GALNS: variants seen among roughly 807,000 people sequenced by gnomAD.
GALNS encodes the protein galactosamine (N-acetyl)-6-sulfatase.
GALNS carries 65 observed loss-of-function variants against 65.9 expected under a neutral mutation model. The observed-to-expected ratio is 0.99, with a 90% CI of 0.81 to 1.21. The LOEUF (loss-of-function observed/expected upper bound fraction) is 1.21. Among genes scored for constraint, GALNS ranks in the 50% most tolerant of loss-of-function variants. The pLI, the probability that GALNS is intolerant of heterozygous loss-of-function variation, is 0.00. For synonymous variants in GALNS, 346 were observed against 288.9 expected (o/e 1.20, Z -2.00); for missense variants, 776 against 700.7 (o/e 1.11, Z -1.21).
At position 88,836,179 on chromosome 16, in the gene GALNS, A is replaced by G. The variant is rs201579340; in HGVS notation, c.633+22T>C. 8.4e-4 allele frequency: 1,356 copies of G among 1,609,932 alleles called. 20 individuals carry two copies. In the South Asian group the frequency reaches 8.7e-3, roughly 10 times the overall value. On this transcript the variant is annotated intron_variant, in intron 6 of 13. Coordinates refer to ENST00000268695, the MANE Select transcript of GALNS (RefSeq NM_000512.5). The stretch of plus-strand genomic sequence containing the variant: ...CCGTCCCCATGCGTCCCACAGGGCG[A>G]GGATGGTGCGGTCCCCATCACCTGC...
chr16:88,826,731 G>C lies in GALNS; in HGVS notation c.1110C>G (p.Pro370=), dbSNP rs1161915851. 1.2e-6 allele frequency: 2 copies of C among 1,612,442 alleles called. No individual in the cohort carries two copies. The highest frequency in any genetic ancestry group is 2.2e-5 in the East Asian group (1 of 44,886). The stretch of plus-strand genomic sequence containing the variant: ...CCATCAGCCGGCCCTGCAGGAGGGT[G>C]GGGAGGAGGTTGAGGCCATCAATGG... ...DRAIDGLNLL[P]TLLQGRLMDR... is the part of the protein sequence containing the mutation. Residue 370 remains proline, a synonymous_variant, in exon 10 of 14, where the codon CCC becomes CCG. Coordinates refer to ENST00000268695, the MANE Select transcript of GALNS (RefSeq NM_000512.5).
chr16:88,815,900 G>C, intron 13 of GALNS: 1 of 985,438 alleles, frequency 1.0e-6, no homozygotes, highest in Non-Finnish European at 1.2e-6. Context: ...AGCTGTCCCA[G>C]AAGCAGGGGT....
intron 11 of GALNS, among the ~76,000 whole-genome samples, chr16:88,823,984 C>T (rs894785180): frequency 2.6e-5 from 4 of 152,310 alleles, no homozygotes; most frequent in South Asian, 4.1e-4. Context: ...GGCATCATTG[C>T]CCTCCAGACA....
At chr16:88,822,462 G>T (rs986525492) in intron 12 of GALNS, 127 bp downstream of exon 12, 37 of 1,280,632 alleles carry the variant, frequency 2.9e-5, no homozygotes, top group Non-Finnish European at 3.7e-5. Flanking sequence ...GGTATGAATA[G>T]CAACAGCAGA....
intron 1 of GALNS, among the ~76,000 whole-genome samples, chr16:88,849,861 G>A (rs147916682): frequency 8.5e-5 from 13 of 152,386 alleles, no homozygotes; most frequent in Non-Finnish European, 5.9e-5. Flanking sequence ...GGGGCAGGAC[G>A]CCCGCAGAGC....
At chr16:88,850,898 G>C (rs1401572246) in intron 1 of GALNS, among the ~76,000 whole-genome samples, 1 of 152,242 alleles carries the variant, frequency 6.6e-6, no homozygotes, top group African/African-American at 2.4e-5. Flanking sequence ...AAAACAGTGT[G>C]GCAAGGTGAG....
intron 9 of GALNS, among the ~76,000 whole-genome samples, chr16:88,830,390 G>C (rs1567525294): frequency 6.6e-6 from 1 of 152,162 alleles, no homozygotes; most frequent in Non-Finnish European, 1.5e-5. Flanking sequence ...GGAGCCTCCA[G>C]AAGGAGCTGG....
intron 1 of GALNS, chr16:88,855,918 A>T: frequency 3.7e-6 from 2 of 544,378 alleles, no homozygotes; most frequent in Non-Finnish European, 6.6e-6. Context: ...CCCAGTCCTC[A>T]CACACAACGT....
chr16:88,833,740 A>ACGCC (rs1911771030), intron 8 of GALNS, among the ~76,000 whole-genome samples: 1 of 152,002 alleles, frequency 6.6e-6, no homozygotes, highest in South Asian at 2.1e-4. Flanking sequence ...GTGAGCCACC[A>ACGCC]CGCCCAGCCC....
intron 11 of GALNS, among the ~76,000 whole-genome samples, chr16:88,824,389 C>G (rs2142993511): frequency 6.6e-6 from 1 of 152,236 alleles, no homozygotes; most frequent in South Asian, 2.1e-4. Flanking sequence ...AATGCTGCGG[C>G]CCCCATGTAG....
intron 13 of GALNS, chr16:88,816,850 G>A (rs1156361347): frequency 5.1e-6 from 5 of 985,354 alleles, no homozygotes; most frequent in African/African-American, 3.5e-5. Context: ...AGCTGCCGAG[G>A]GGCCTTCTTC....
chr16:88,855,043 T>TG, intron 1 of GALNS: 2 of 380,472 alleles, frequency 5.3e-6, no homozygotes, highest in Non-Finnish European at 1.0e-5. Flanking sequence ...CCTGAACCCT[T>TG]GCTGTCCTAT....
chr16:88,822,835 A>G (rs1439317975), intron 11 of GALNS, 125 bp from the exon 12 acceptor site: 1 of 1,438,394 alleles, frequency 7.0e-7, no homozygotes, highest in Admixed American at 2.0e-5. Context: ...TGTGTCCTGG[A>G]GCCCCTAACT....
intron 9 of GALNS, chr16:88,827,190 C>G (rs1387625703): frequency 2.8e-6 from 1 of 362,922 alleles, no homozygotes; most frequent in South Asian, 2.9e-5. Context: ...TGCCCTAAGG[C>G]CACTGTGAGC....
In GALNS at chr16:88,835,368, A is replaced by G. The variant is rs1280203595; in HGVS notation, c.759-16T>C. The G allele has an allele frequency of 1.9e-6, 3 of 1,613,188 alleles. No homozygotes were observed. The highest frequency in any genetic ancestry group is 2.2e-5 in the East Asian group (1 of 44,892). On this transcript the variant is annotated splice_polypyrimidine_tract_variant and intron_variant, in intron 7 of 13. Coordinates refer to ENST00000268695, the MANE Select transcript of GALNS (RefSeq NM_000512.5). ...GTCTCCATACCTGCAGGATGGTGAC[A>G]AAAGGCATCTCCATACCTGGAGGAT...
At chr16:88,843,788 C>T (rs533724650) in intron 1 of GALNS, 3,206 of 153,546 alleles carry the variant, frequency 0.021, 42 homozygotes, top group Non-Finnish European at 0.028. Context: ...TGTTATGTCT[C>T]AGGAAACTCA....
intron 2 of GALNS, chr16:88,842,369 A>T (rs1567537703): frequency 9.7e-6 from 5 of 513,168 alleles, no homozygotes; most frequent in South Asian, 2.1e-5. Context: ...CCAGGGAGGG[A>T]GGGAGTGGGA....
rs886052453 is a variant in GALNS, at chr16:88,814,316, C to T, written c.*123G>A. ...GTGGAATTGTGCAGTCCCCCTGCGT[C>T]TGCAGGTGCTGTCTGTCTGGCTTGG... On this transcript the variant is annotated 3_prime_UTR_variant, in exon 14 of 14. Transcript: ENST00000268695. 11 of 1,292,122 alleles carry T rather than the reference C, an allele frequency of 8.5e-6. No homozygotes were observed. Among genetic ancestry groups the T allele is most frequent in the Non-Finnish European group, 1.2e-5 (11 of 914,798 alleles). The allele number at this position is 1,292,122 out of a possible 1,614,324, so 80.0% of individuals were successfully genotyped here.
At chr16:88,854,313 G>A (rs531260905) in intron 1 of GALNS, among the ~76,000 whole-genome samples, 5 of 152,328 alleles carry the variant, frequency 3.3e-5, no homozygotes, top group African/African-American at 4.8e-5. Flanking sequence ...TGCGGAGGAA[G>A]CCCCGGACTC....
Sources: allele counts gnomAD v4.1 joint callset (sites outside exome capture counted in the v4.1 genomes callset), GRCh38; gene constraint gnomAD v4.1.1; transcripts MANE v1.5; gene names NCBI Gene and HGNC (gene_info 2026-07-23, HGNC 2026-07-21).